The following GPC6 variants were observed in gnomAD, a reference collection of about 807,000 sequenced individuals.
The protein encoded by GPC6 is glypican-6.
In GPC6, 14 loss-of-function variants were observed where a neutral mutation model predicts 55.2. That is an observed-to-expected ratio of 0.25 (90% CI 0.17 to 0.40). The LOEUF (loss-of-function observed/expected upper bound fraction) is 0.40, where lower values mean the gene tolerates loss of function less well. Among genes scored for constraint, GPC6 ranks in the 10% least tolerant of loss-of-function variants. The pLI is 1.00. For synonymous variants in GPC6, 278 were observed against 259.6 expected (o/e 1.07, Z -0.68); for missense variants, 641 against 708.5 (o/e 0.90, Z 1.08).
At chr13:93,710,486 A>G (rs1883015507) in intron 2 of GPC6, among the ~76,000 whole-genome samples, 3 of 151,826 alleles carry the variant, frequency 2.0e-5, no homozygotes, top group Non-Finnish European at 4.4e-5. Context: ...ATGTACACAG[A>G]AACCAATAAT....
At chr13:93,526,459 A>G (rs1274629785) in intron 1 of GPC6, among the ~76,000 whole-genome samples, 1 of 152,108 alleles carries the variant, frequency 6.6e-6, no homozygotes, top group Non-Finnish European at 1.5e-5. Context: ...TCCAGATCAC[A>G]GAAGTAACAG....
In GPC6 at chr13:93,676,057, G is replaced by A. The variant is rs926148519; in HGVS notation, c.319+130636G>A. On this transcript the variant is annotated intron_variant, in intron 2 of 8. Transcript: ENST00000377047. ...AGGCCAAGGCAGGTGGATCACCTGA[G>A]GTCAGGAGTTCGAGACCAGCCTGGC... 4.8e-5 allele frequency among the ~76,000 whole-genome samples: 7 copies of A among 146,942 alleles called. No individual in the cohort carries two copies. In the South Asian group the frequency reaches 1.3e-3, roughly 27 times the overall value.
At chr13:93,488,267 G>A (rs1051482129) in intron 1 of GPC6, among the ~76,000 whole-genome samples, 4 of 152,100 alleles carry the variant, frequency 2.6e-5, no homozygotes, top group African/African-American at 9.7e-5. Flanking sequence ...ATGGTTTCCA[G>A]CTTCATCCAT....
intron 1 of GPC6, among the ~76,000 whole-genome samples, chr13:93,468,778 T>C (rs528967134): frequency 6.6e-6 from 1 of 152,328 alleles, no homozygotes; most frequent in South Asian, 2.1e-4. Context: ...AATTGCACTA[T>C]GCAAGGATGG....
chr13:93,812,775 T>C (rs1056450478), intron 2 of GPC6, among the ~76,000 whole-genome samples: 1 of 152,254 alleles, frequency 6.6e-6, no homozygotes, highest in African/African-American at 2.4e-5. Context: ...TACTATGTGC[T>C]GTGCCACACA....
At chr13:93,832,000 G>T (rs1467291595) in intron 3 of GPC6, among the ~76,000 whole-genome samples, 2 of 142,186 alleles carry the variant, frequency 1.4e-5, no homozygotes, top group African/African-American at 2.6e-5. Flanking sequence ...TGAGGCAGGA[G>T]AATGGCATGA....
At chr13:93,424,933 T>C (rs1183931606) in intron 1 of GPC6, among the ~76,000 whole-genome samples, 1 of 152,130 alleles carries the variant, frequency 6.6e-6, no homozygotes, top group Non-Finnish European at 1.5e-5. Flanking sequence ...TGTTTGGTTA[T>C]GGGACATAGT....
At chr13:94,174,634 T>G (rs1461728129) in intron 4 of GPC6, among the ~76,000 whole-genome samples, 1 of 152,136 alleles carries the variant, frequency 6.6e-6, no homozygotes, top group Admixed American at 6.6e-5. Context: ...GTAGATGACA[T>G]GCTATTTAGC....
chr13:93,293,501 T>G, intron 1 of GPC6, among the ~76,000 whole-genome samples: 1 of 94,250 alleles, frequency 1.1e-5, no homozygotes, highest in East Asian at 3.9e-4. Flanking sequence ...ATTAAACTTG[T>G]GATTTGTGAA....
chr13:93,803,751 A>AT (rs1886453835), intron 2 of GPC6, among the ~76,000 whole-genome samples: 1 of 152,244 alleles, frequency 6.6e-6, no homozygotes, highest in South Asian at 2.1e-4. Context: ...TTATTTAGTC[A>AT]TAAAAAAGTG....
chr13:94,162,792 T>G (rs540002143), intron 4 of GPC6, among the ~76,000 whole-genome samples: 1 of 152,314 alleles, frequency 6.6e-6, no homozygotes, highest in Admixed American at 6.5e-5. Context: ...ATATATGTTG[T>G]GATTCTTCAT....
At chr13:93,276,149 C>T (rs1877727494) in intron 1 of GPC6, among the ~76,000 whole-genome samples, 1 of 152,178 alleles carries the variant, frequency 6.6e-6, no homozygotes, top group East Asian at 1.9e-4. Flanking sequence ...GCTGGGATTA[C>T]AGGCGTGAGC....
chr13:93,685,735 AAAAC>A (rs1237431630), intron 2 of GPC6, among the ~76,000 whole-genome samples: 1 of 152,176 alleles, frequency 6.6e-6, no homozygotes, highest in East Asian at 1.9e-4. Flanking sequence ...AACAAACAAA[AAAAC>A]AAACAGCTCT....
At chr13:93,776,730 T>G (rs1354422825) in intron 2 of GPC6, among the ~76,000 whole-genome samples, 1 of 152,202 alleles carries the variant, frequency 6.6e-6, no homozygotes, top group African/African-American at 2.4e-5. Flanking sequence ...ACTAAATCAA[T>G]TATTATGCTT....
At chr13:93,505,236 T>A (rs955711423) in intron 1 of GPC6, among the ~76,000 whole-genome samples, 14 of 152,176 alleles carry the variant, frequency 9.2e-5, no homozygotes, top group African/African-American at 3.4e-4. Flanking sequence ...TTTAGCCTCA[T>A]TTTTTGCAGT....
chr13:93,356,502 A>T (rs568774299), intron 1 of GPC6, among the ~76,000 whole-genome samples: 3 of 152,138 alleles, frequency 2.0e-5, no homozygotes, highest in East Asian at 1.9e-4. Flanking sequence ...TTGATTGCCA[A>T]CCTCCCTAAT....
chr13:93,775,207 G>A (rs1224707095), intron 2 of GPC6, among the ~76,000 whole-genome samples: 3 of 152,100 alleles, frequency 2.0e-5, no homozygotes, highest in Non-Finnish European at 4.4e-5. Context: ...GTCTTGCTAT[G>A]TTGCCCAGGC....
chr13:93,869,551 A>G (rs1305142241), intron 3 of GPC6, among the ~76,000 whole-genome samples: 2 of 151,924 alleles, frequency 1.3e-5, no homozygotes, highest in Non-Finnish European at 2.9e-5. Context: ...CTTCTAAAAT[A>G]CAAATGCTTC....
At chr13:93,330,415 C>A (rs1444736059) in intron 1 of GPC6, among the ~76,000 whole-genome samples, 2 of 151,948 alleles carry the variant, frequency 1.3e-5, no homozygotes, top group Non-Finnish European at 2.9e-5. Flanking sequence ...GTAGTCACAG[C>A]TGTTTGGGAG....
Sources: gnomAD v4.1 joint callset for allele counts (sites outside exome capture counted in the v4.1 genomes callset) on GRCh38, gnomAD v4.1.1 for gene constraint, MANE v1.5 for transcripts, NCBI Gene and HGNC (gene_info 2026-07-23, HGNC 2026-07-21) for gene names.